TENM3: variants seen among roughly 807,000 people sequenced by gnomAD.
The protein encoded by TENM3 is teneurin transmembrane protein 3.
Under a neutral mutation model 255.1 loss-of-function variants are expected in TENM3, and 63 were observed. That is an observed-to-expected ratio of 0.25 (90% CI 0.20 to 0.30). The LOEUF is 0.30. TENM3 is among the 10% of genes least tolerant of loss of function. The probability of loss-of-function intolerance (pLI) is 1.00; values close to 1 mark genes in which losing one functional copy is unlikely to be tolerated. For synonymous variants in TENM3, 1,306 were observed against 1,322.3 expected (o/e 0.99, Z 0.27); for missense variants, 2,929 against 3,461.1 (o/e 0.85, Z 3.86).
the TENM3 span, among the ~76,000 whole-genome samples, chr4:182,012,058 T>C: frequency 6.6e-6 from 1 of 152,164 alleles, no homozygotes; most frequent in African/African-American, 2.4e-5. Context: ...AGGTTTCAGA[T>C]TATTTCAGTC....
Position 182,324,126 on chromosome 4 carries a change from C to A in TENM3, c.106C>A (p.Pro36Thr). The A allele has an allele frequency of 1.2e-6, 2 of 1,613,954 alleles. No individual in the cohort carries two copies. Among genetic ancestry groups the A allele is most frequent in the Non-Finnish European group, 1.7e-6 (2 of 1,179,876 alleles). ...SSADNEECRV[P>T]TQKSYSSSET... ...CGCAGACAATGAGGAGTGCCGGGTA[C>A]CCACACAGAAGTCCTACAGTTCCAG... The change falls in exon 2 of 28, where the codon CCC becomes ACC. Residue 36 changes from proline to threonine, a missense_variant. Pro to Thr is a conservative substitution (Grantham distance 38, BLOSUM62 -1). Transcript: ENST00000511685.
At chr4:181,946,540 T>C in the TENM3 span, among the ~76,000 whole-genome samples, 3 of 152,192 alleles carry the variant, frequency 2.0e-5, no homozygotes, top group South Asian at 6.2e-4. Flanking sequence ...TCACATTCCA[T>C]TTTATATTAT....
the TENM3 span, among the ~76,000 whole-genome samples, chr4:181,600,916 G>C: frequency 2.0e-5 from 3 of 152,026 alleles, no homozygotes; most frequent in African/African-American, 7.2e-5. Flanking sequence ...AGAAGTGCTA[G>C]AGTCTGGTCT....
At position 182,505,499 on chromosome 4, in the gene TENM3, A is replaced by G. The variant is rs189121274; in HGVS notation, c.512-95425A>G. Among the ~76,000 whole-genome samples, 7 of 151,824 alleles carry G rather than the reference A, an allele frequency of 4.6e-5. No individual in the cohort carries two copies. The Middle Eastern group carries it at 0.01, about 221-fold the overall frequency. ...TTACTATTACTATTATTTTTTTGAG[A>G]CAGAGTTTCACCCTTATTGCCCAGG... On this transcript the variant is annotated intron_variant, in intron 3 of 27. Transcript: ENST00000511685.
At chr4:181,908,776 G>A in the TENM3 span, among the ~76,000 whole-genome samples, 1 of 152,170 alleles carries the variant, frequency 6.6e-6, no homozygotes, top group Admixed American at 6.5e-5. Flanking sequence ...GTGTTACACG[G>A]TATAGGTGAT....
chr4:181,931,874 C>A, the TENM3 span, among the ~76,000 whole-genome samples: 1 of 152,120 alleles, frequency 6.6e-6, no homozygotes, highest in Non-Finnish European at 1.5e-5. Context: ...ACATCTACAA[C>A]CATCTGATCT....
rs142399946 is a variant in TENM3, at chr4:182,182,090, A to C, written c.-76+37336A>C. Among the ~76,000 whole-genome samples the C allele has an allele frequency of 1.1e-3, 163 of 152,290 alleles. 2 individuals carry two copies. Among genetic ancestry groups the C allele is most frequent in the Middle Eastern group, 3.4e-3 (1 of 294 alleles). On this transcript the variant is annotated intron_variant, in intron 1 of 2. Coordinates refer to the TENM3 transcript ENST00000512480. ...TCTATTGGGGAATTGTTGCTGATGG[A>C]AAACACTGCAGTGTCCAACTGGATG...
At chr4:182,210,699 C>T (rs1349058123) in intron 1 of TENM3, among the ~76,000 whole-genome samples, 1 of 150,754 alleles carries the variant, frequency 6.6e-6, no homozygotes, top group Non-Finnish European at 1.5e-5. Flanking sequence ...CCTACTGAGG[C>T]TTCCGATGCC....
intron 4 of TENM3, among the ~76,000 whole-genome samples, chr4:182,626,254 G>A (rs770693801): frequency 2.1e-4 from 32 of 152,094 alleles, no homozygotes; most frequent in Admixed American, 7.9e-4. Flanking sequence ...GTGTGAAATC[G>A]CCAGTATCAA....
At chr4:181,480,595 C>T in the TENM3 span, among the ~76,000 whole-genome samples, 2 of 151,812 alleles carry the variant, frequency 1.3e-5, no homozygotes, top group Non-Finnish European at 2.9e-5. Flanking sequence ...CCAAAATTAA[C>T]ATATGCATGA....
At chr4:181,688,162 T>C in the TENM3 span, among the ~76,000 whole-genome samples, 1 of 152,156 alleles carries the variant, frequency 6.6e-6, no homozygotes, top group Non-Finnish European at 1.5e-5. Flanking sequence ...CCATAGTACA[T>C]AGGAGCTATC....
the TENM3 span, among the ~76,000 whole-genome samples, chr4:181,979,635 C>T: frequency 6.6e-6 from 1 of 152,004 alleles, no homozygotes; most frequent in Non-Finnish European, 1.5e-5. Flanking sequence ...TGTGTGGGGA[C>T]CAGTGTTGTT....
chr4:182,756,294 G>T (rs1325607387), intron 22 of TENM3, among the ~76,000 whole-genome samples: 1 of 152,202 alleles, frequency 6.6e-6, no homozygotes, highest in Non-Finnish European at 1.5e-5. Context: ...GAAGAGGTAG[G>T]AGGCTCATTC....
intron 22 of TENM3, among the ~76,000 whole-genome samples, chr4:182,764,841 C>T (rs978469026): frequency 1.2e-4 from 18 of 152,010 alleles, no homozygotes; most frequent in African/African-American, 4.1e-4. Context: ...GGGACAGCAA[C>T]ATAGCCAATC....
chr4:181,487,524 C>A, the TENM3 span, among the ~76,000 whole-genome samples: 1 of 152,124 alleles, frequency 6.6e-6, no homozygotes, highest in Non-Finnish European at 1.5e-5. Context: ...GTGGAAGGGG[C>A]AAGAGGTCTC....
At chr4:182,753,393 T>C (rs1040874449) in intron 20 of TENM3, 57 bp from the exon 21 acceptor site, 3 of 1,472,914 alleles carry the variant, frequency 2.0e-6, no homozygotes, top group Non-Finnish European at 2.8e-6. Context: ...GGCCTAATAG[T>C]TAATCAAAAG....
the TENM3 span, among the ~76,000 whole-genome samples, chr4:181,605,498 G>C: frequency 1.5e-4 from 2 of 13,218 alleles, no homozygotes; most frequent in African/African-American, 3.1e-4. Context: ...AAGAAAGAAA[G>C]AAAGAAAGAA....
At chr4:181,783,888 C>T in the TENM3 span, among the ~76,000 whole-genome samples, 5 of 151,972 alleles carry the variant, frequency 3.3e-5, no homozygotes, top group African/African-American at 9.7e-5. Context: ...TTTGAAGAGA[C>T]GCAGGTCTCA....
chr4:182,667,413 A>C (rs2152541573), intron 6 of TENM3, among the ~76,000 whole-genome samples: 1 of 151,508 alleles, frequency 6.6e-6, no homozygotes, highest in Middle Eastern at 3.4e-3. Flanking sequence ...CTGGTCTCGA[A>C]CTCCTGACCT....
Sources: gnomAD v4.1 joint callset for allele counts (sites outside exome capture counted in the v4.1 genomes callset) on GRCh38, gnomAD v4.1.1 for gene constraint, MANE v1.5 for transcripts, NCBI Gene and HGNC (gene_info 2026-07-23, HGNC 2026-07-21) for gene names.